Variants in SLIT2 observed in about 807,000 individuals in gnomAD.
SLIT2 encodes the protein slit guidance ligand 2, also known as slit homolog 2 protein.
In SLIT2, 41 loss-of-function variants were observed where a neutral mutation model predicts 185.7. That is an observed-to-expected ratio of 0.22 (90% CI 0.17 to 0.29). The LOEUF is 0.29. SLIT2 is among the 10% of genes least tolerant of loss of function. The probability of loss-of-function intolerance (pLI) is 1.00; values close to 1 mark genes in which losing one functional copy is unlikely to be tolerated. For missense variants in SLIT2, 1,571 were observed against 1,909.0 expected, an observed-to-expected ratio of 0.82 and a Z score of 3.30; for synonymous variants, 693 against 680.2, an observed-to-expected ratio of 1.02 and a Z score of -0.29.
chr4:20,399,749 G>A (rs944203074), intron 4 of SLIT2, among the ~76,000 whole-genome samples: 2 of 151,858 alleles, frequency 1.3e-5, no homozygotes, highest in East Asian at 3.9e-4. Context: ...ATTACACTAT[G>A]TAAGAGGGTG....
At chr4:20,351,469 A>C (rs767107442) in intron 4 of SLIT2, among the ~76,000 whole-genome samples, 5 of 152,164 alleles carry the variant, frequency 3.3e-5, no homozygotes. Flanking sequence ...TGTCTTCATA[A>C]ATTGGCCTTT....
At chr4:20,604,307 A>G (rs1025230224) in intron 33 of SLIT2, among the ~76,000 whole-genome samples, 5 of 152,188 alleles carry the variant, frequency 3.3e-5, no homozygotes, top group African/African-American at 1.2e-4. Context: ...TTGAACAACT[A>G]TTTTCTAAAG....
chr4:20,272,825 T>A (rs973346506), intron 4 of SLIT2, among the ~76,000 whole-genome samples: 1 of 151,916 alleles, frequency 6.6e-6, no homozygotes, highest in South Asian at 2.1e-4. Flanking sequence ...CTTCTTTGAA[T>A]GAAAACTTTT....
intron 4 of SLIT2, among the ~76,000 whole-genome samples, chr4:20,368,447 G>C (rs1214615399): frequency 1.3e-5 from 2 of 151,786 alleles, no homozygotes; most frequent in African/African-American, 4.8e-5. Context: ...TTTTGTTAAA[G>C]ATAATTGAAA....
At chr4:20,287,692 T>C (rs911865761) in intron 4 of SLIT2, among the ~76,000 whole-genome samples, 8 of 152,218 alleles carry the variant, frequency 5.3e-5, no homozygotes, top group African/African-American at 1.9e-4. Flanking sequence ...CATAGTTTTA[T>C]GTAAAAATGA....
intron 21 of SLIT2, among the ~76,000 whole-genome samples, chr4:20,544,035 G>A (rs1033711425): frequency 2.0e-5 from 3 of 151,998 alleles, no homozygotes; most frequent in Non-Finnish European, 4.4e-5. Flanking sequence ...GGTGTGGGGG[G>A]ATGGGGGAGG....
chr4:20,590,662 C>T lies in SLIT2; in HGVS notation c.3182+925C>T, dbSNP rs180886030. ...TCAAAAAACACTTCCTTTTTCCTCC[C>T]CAGCAATATTCCTGAAATATGTTTG... On this transcript the variant is annotated intron_variant, in intron 30 of 36. Coordinates refer to ENST00000504154, the MANE Select transcript of SLIT2 (RefSeq NM_004787.4). 2.0e-5 allele frequency among the ~76,000 whole-genome samples: 3 copies of T among 152,272 alleles called. No individual in the cohort carries two copies. In the East Asian group the frequency reaches 5.8e-4, roughly 29 times the overall value.
intron 4 of SLIT2, among the ~76,000 whole-genome samples, chr4:20,456,058 A>G (rs957649455): frequency 6.6e-6 from 1 of 152,156 alleles, no homozygotes; most frequent in African/African-American, 2.4e-5. Context: ...ATACATCGAC[A>G]TGAAAAACCT....
intron 4 of SLIT2, among the ~76,000 whole-genome samples, chr4:20,437,457 A>T (rs896412187): frequency 2.0e-5 from 3 of 152,084 alleles, no homozygotes; most frequent in African/African-American, 7.2e-5. Context: ...TCTACAAAAA[A>T]ATTAAAAATT....
chr4:20,537,556 T>C (rs905002001), intron 18 of SLIT2, among the ~76,000 whole-genome samples: 19 of 152,192 alleles, frequency 1.2e-4, no homozygotes, highest in Admixed American at 9.8e-4. Context: ...TGAAAAGTTA[T>C]CTAAATTCCA....
At chr4:20,303,265 C>G (rs1346150158) in intron 4 of SLIT2, among the ~76,000 whole-genome samples, 1 of 152,140 alleles carries the variant, frequency 6.6e-6, no homozygotes, top group Non-Finnish European at 1.5e-5. Context: ...CCCTTACAAG[C>G]CAGGCACTTT....
chr4:20,347,108 G>A (rs1328533636), intron 4 of SLIT2, among the ~76,000 whole-genome samples: 1 of 152,188 alleles, frequency 6.6e-6, no homozygotes, highest in Non-Finnish European at 1.5e-5. Context: ...GAAAATATCA[G>A]AAAATGAGTC....
intron 4 of SLIT2, among the ~76,000 whole-genome samples, chr4:20,357,491 G>A (rs1722419084): frequency 6.6e-6 from 1 of 152,046 alleles, no homozygotes; most frequent in Admixed American, 6.6e-5. Context: ...TCTAATTCTG[G>A]AGTATAAGAT....
At chr4:20,355,778 C>T (rs145638174) in intron 4 of SLIT2, among the ~76,000 whole-genome samples, 31 of 152,140 alleles carry the variant, frequency 2.0e-4, no homozygotes, top group African/African-American at 6.3e-4. Context: ...AAGAAAGTGA[C>T]GTGATTATCT....
At chr4:20,458,088 CAAA>C (rs10672353) in intron 4 of SLIT2, among the ~76,000 whole-genome samples, 200 of 112,882 alleles carry the variant, frequency 1.8e-3, no homozygotes, top group Non-Finnish European at 2.2e-3. Context: ...ACACATTATG[CAAA>C]AAAAAAAAAA....
chr4:20,340,638 TC>T, intron 4 of SLIT2, among the ~76,000 whole-genome samples: 1 of 152,114 alleles, frequency 6.6e-6, no homozygotes, highest in Non-Finnish European at 1.5e-5. Flanking sequence ...TCTCGCTCTG[TC>T]CCCCGGGCTG....
intron 4 of SLIT2, among the ~76,000 whole-genome samples, chr4:20,438,253 T>C (rs1279005006): frequency 7.2e-5 from 11 of 152,176 alleles, no homozygotes; most frequent in Non-Finnish European, 1.5e-4. Flanking sequence ...TCCATTTTCA[T>C]GGTGTTGATA....
intron 9 of SLIT2, among the ~76,000 whole-genome samples, chr4:20,500,106 T>C (rs1405802433): frequency 6.6e-6 from 1 of 152,192 alleles, no homozygotes; most frequent in Non-Finnish European, 1.5e-5. Flanking sequence ...ATTTTTTAAA[T>C]GTAACATGGT....
At chr4:20,351,998 C>G (rs1211441100) in intron 4 of SLIT2, among the ~76,000 whole-genome samples, 1 of 152,148 alleles carries the variant, frequency 6.6e-6, no homozygotes, top group East Asian at 1.9e-4. Context: ...TTAAATCATG[C>G]ACATGCTTGA....
Sources: gnomAD v4.1 joint callset for allele counts (sites outside exome capture counted in the v4.1 genomes callset) on GRCh38, gnomAD v4.1.1 for gene constraint, MANE v1.5 for transcripts, NCBI Gene and HGNC (gene_info 2026-07-23, HGNC 2026-07-21) for gene names.